The following RNF2 variants were observed in gnomAD, a reference collection of about 807,000 sequenced individuals.
RNF2 encodes the protein ring finger protein 2.
In RNF2, 6 loss-of-function variants were observed where a neutral mutation model predicts 37.2. That is an observed-to-expected ratio of 0.16 (90% confidence interval 0.09 to 0.32). The LOEUF (loss-of-function observed/expected upper bound fraction) is 0.32. RNF2 is among the 10% of genes least tolerant of loss of function. The pLI is 1.00. For missense variants in RNF2, 251 were observed against 404.0 expected, an observed-to-expected ratio of 0.62 and a Z score of 3.25; for synonymous variants, 133 against 132.7, an observed-to-expected ratio of 1.00 and a Z score of -0.02.
intron 2 of RNF2, among the ~76,000 whole-genome samples, chr1:185,089,827 T>C (rs1291948978): frequency 6.6e-6 from 1 of 151,918 alleles, no homozygotes; most frequent in African/African-American, 2.4e-5. Context: ...GTCAGGAGTT[T>C]GCGGCCAGCC....
intron 2 of RNF2, among the ~76,000 whole-genome samples, chr1:185,089,763 C>G (rs1261024093): frequency 6.6e-6 from 1 of 152,016 alleles, no homozygotes; most frequent in Non-Finnish European, 1.5e-5. Flanking sequence ...GGCGTGGTGG[C>G]TCAGACATGT....
intron 2 of RNF2, among the ~76,000 whole-genome samples, chr1:185,089,930 CT>C (rs1222367126): frequency 1.3e-5 from 2 of 150,458 alleles, no homozygotes; most frequent in Admixed American, 6.6e-5. Flanking sequence ...ACTCGGGAGG[CT>C]TTTTTTTTGA....
chr1:185,076,978 C>G (rs944627442), intron 1 of RNF2, among the ~76,000 whole-genome samples: 2 of 151,970 alleles, frequency 1.3e-5, no homozygotes, highest in African/African-American at 4.8e-5. Context: ...AGTTCAGATC[C>G]TCTTTAATAT....
Position 185,045,676 on chromosome 1 carries a change from G to A in RNF2, c.-3+27G>A, listed in dbSNP as rs117020114. The A allele has an allele frequency of 0.014, 2,084 of 152,668 alleles. 85 individuals carry two copies. In the East Asian group the frequency reaches 0.14, roughly 10 times the overall value. The allele number at this position is 152,668 out of a possible 1,614,324, so 9.5% of individuals were successfully genotyped here. On this transcript the variant is annotated intron_variant, in intron 1 of 6. Transcript: ENST00000367510. The stretch of plus-strand genomic sequence containing the variant: ...TGAGTGGGGCGGGCGGGGAGGCGAA[G>A]GACGCGGAAGCAGCGGGCCGGGACA...
chr1:185,084,061 C>T (rs1381037486), intron 1 of RNF2, among the ~76,000 whole-genome samples: 1 of 151,992 alleles, frequency 6.6e-6, no homozygotes, highest in Non-Finnish European at 1.5e-5. Flanking sequence ...CCAGCCTTAG[C>T]CTCCCAAGTA....
chr1:185,086,794 G>A (rs868804969), intron 1 of RNF2, among the ~76,000 whole-genome samples: 18 of 152,216 alleles, frequency 1.2e-4, no homozygotes, highest in African/African-American at 4.1e-4. Flanking sequence ...GTGCTCTAAA[G>A]TAGATTTTTT....
intron 1 of RNF2, among the ~76,000 whole-genome samples, chr1:185,047,797 G>T (rs1650161027): frequency 6.6e-6 from 1 of 152,158 alleles, no homozygotes; most frequent in African/African-American, 2.4e-5. Context: ...AAGAGATTAT[G>T]TACTCTGCGC....
At chr1:185,048,439 ATTTAC>A (rs1451622407) in intron 1 of RNF2, among the ~76,000 whole-genome samples, 14 of 152,164 alleles carry the variant, frequency 9.2e-5, no homozygotes, top group Non-Finnish European at 1.5e-5. Context: ...TATTGCTTAA[ATTTAC>A]TTCTCCCATT....
At chr1:185,059,633 A>G (rs1205614232) in intron 1 of RNF2, among the ~76,000 whole-genome samples, 2 of 152,188 alleles carry the variant, frequency 1.3e-5, no homozygotes, top group East Asian at 3.8e-4. Flanking sequence ...TAGCAGTAGT[A>G]ATAATCATAT....
At chr1:185,091,981 GTT>G (rs373704731) in intron 3 of RNF2, 786 of 233,736 alleles carry the variant, frequency 3.4e-3, no homozygotes, top group East Asian at 5.6e-3. Context: ...TGGCCGGCTA[GTT>G]TTTTTTTTTT....
intron 2 of RNF2, among the ~76,000 whole-genome samples, chr1:185,088,594 A>T (rs1404267823): frequency 6.6e-6 from 1 of 151,884 alleles, no homozygotes; most frequent in African/African-American, 2.4e-5. Context: ...TTCAAGGAGG[A>T]TGTAGTTAAA....
chr1:185,069,198 A>G (rs1350267693), intron 1 of RNF2, among the ~76,000 whole-genome samples: 1 of 152,140 alleles, frequency 6.6e-6, no homozygotes, highest in Non-Finnish European at 1.5e-5. Context: ...CATGCCTGTA[A>G]TCCCAGCACT....
chr1:185,054,468 C>G (rs1039779911), intron 1 of RNF2, among the ~76,000 whole-genome samples: 1 of 152,132 alleles, frequency 6.6e-6, no homozygotes, highest in African/African-American at 2.4e-5. Flanking sequence ...GGCAAGCAGG[C>G]CTTCTTCTCC....
intron 4 of RNF2, 36 bp from the exon 5 acceptor site, chr1:185,098,036 G>T (rs771083534): frequency 6.2e-7 from 1 of 1,602,548 alleles, no homozygotes; most frequent in East Asian, 2.2e-5. Context: ...AGGCCTAAAA[G>T]TAAATTTTAT....
intron 4 of RNF2, among the ~76,000 whole-genome samples, chr1:185,096,186 T>C (rs1357831888): frequency 6.6e-6 from 1 of 152,206 alleles, no homozygotes; most frequent in Non-Finnish European, 1.5e-5. Context: ...TATTTTAGTC[T>C]TTATGTTGTG....
intron 4 of RNF2, among the ~76,000 whole-genome samples, chr1:185,097,517 T>C (rs556219187): frequency 1.3e-5 from 2 of 152,386 alleles, no homozygotes; most frequent in Admixed American, 1.3e-4. Context: ...CAATTAATTC[T>C]TATAGTCTTT....
chr1:185,069,711 G>C (rs541134157), intron 1 of RNF2, among the ~76,000 whole-genome samples: 191 of 152,294 alleles, frequency 1.3e-3, no homozygotes, highest in African/African-American at 4.5e-3. Context: ...TTTGGAGCTA[G>C]GGAGGAGGGT....
chr1:185,090,536 T>G (rs1226231116), intron 2 of RNF2, among the ~76,000 whole-genome samples: 1 of 152,238 alleles, frequency 6.6e-6, no homozygotes, highest in Non-Finnish European at 1.5e-5. Context: ...TATTAATGCT[T>G]GAGCCCTTTA....
At position 185,085,659 on chromosome 1, in the gene RNF2, C is replaced by CT. The variant is rs565165523; in HGVS notation, c.-2-1881dup. 3.4e-3 allele frequency among the ~76,000 whole-genome samples: 487 copies of CT among 144,630 alleles called. 4 individuals are homozygous for CT. The highest frequency in any genetic ancestry group is 9.6e-3 in the African/African-American group (383 of 39,710). The allele number at this position is 144,630 out of a possible 152,430, so 94.9% of individuals were successfully genotyped here. ...GATCATGTCACTCTCCTGTTTAAAA[C>CT]TTTTTTTTTTTTGAGACTAAGTGTC... On this transcript the variant is annotated intron_variant, in intron 1 of 6. Coordinates refer to ENST00000367510, the MANE Select transcript of RNF2 (RefSeq NM_007212.4).
Sources: gnomAD v4.1 joint callset for allele counts (sites outside exome capture counted in the v4.1 genomes callset) on GRCh38, gnomAD v4.1.1 for gene constraint, MANE v1.5 for transcripts, NCBI Gene and HGNC (gene_info 2026-07-23, HGNC 2026-07-21) for gene names.